JAK2: variants seen among roughly 807,000 people sequenced by gnomAD.
The protein encoded by JAK2 is Janus kinase 2, also known as tyrosine-protein kinase JAK2.
In JAK2, 86 loss-of-function variants were observed where a neutral mutation model predicts 139.3. That is an observed-to-expected ratio of 0.62 (90% confidence interval 0.52 to 0.74). The LOEUF is 0.74. JAK2 is among the 30% of genes least tolerant of loss of function. The pLI is 0.00. For missense variants in JAK2, 1,421 were observed against 1,360.3 expected, an observed-to-expected ratio of 1.04 and a Z score of -0.70; for synonymous variants, 490 against 437.7, an observed-to-expected ratio of 1.12 and a Z score of -1.49.
At chr9:5,006,498 G>GT (rs1821311000) in intron 2 of JAK2, among the ~76,000 whole-genome samples, 1 of 152,148 alleles carries the variant, frequency 6.6e-6, no homozygotes, top group African/African-American at 2.4e-5. Flanking sequence ...AGACTGGGTA[G>GT]TTTTTAAAGA....
At chr9:5,029,696 ACTTTAGCTT>A in intron 3 of JAK2, 78 bp from the exon 4 acceptor site, 2 of 1,222,816 alleles carry the variant, frequency 1.6e-6, no homozygotes, top group Non-Finnish European at 2.3e-6. Flanking sequence ...AAGAGTTGTT[ACTTTAGCTT>A]CATTTCAAAT....
chr9:5,019,946 G>A (rs1239956197), intron 2 of JAK2, among the ~76,000 whole-genome samples: 1 of 152,204 alleles, frequency 6.6e-6, no homozygotes, highest in Non-Finnish European at 1.5e-5. Context: ...AACCATGCCT[G>A]TACATTAGCC....
chr9:5,085,736 T>G, intron 19 of JAK2: 1 of 753,486 alleles, frequency 1.3e-6, no homozygotes, highest in Non-Finnish European at 2.5e-6. Flanking sequence ...CAATTAAGGC[T>G]GTGGCGCGCT....
chr9:5,046,105 G>C (rs1816990070), intron 5 of JAK2, among the ~76,000 whole-genome samples: 1 of 152,102 alleles, frequency 6.6e-6, no homozygotes, highest in Non-Finnish European at 1.5e-5. Context: ...TTGTGATTTT[G>C]ATGCATACTT....
intron 22 of JAK2, 96 bp from the exon 23 acceptor site, chr9:5,122,908 A>G: frequency 1.3e-6 from 1 of 754,908 alleles, no homozygotes; most frequent in Non-Finnish European, 2.1e-6. Context: ...TTTTCTCTAC[A>G]TGTTTTTTTT....
At chr9:5,028,833 GC>G (rs1190972347) in intron 3 of JAK2, among the ~76,000 whole-genome samples, 1 of 152,166 alleles carries the variant, frequency 6.6e-6, no homozygotes, top group Non-Finnish European at 1.5e-5. Flanking sequence ...GACAATTAGG[GC>G]CTTGCTCTGG....
rs58424625 is a variant in JAK2, at chr9:5,062,500, TAAAAAAAAA to T, written c.1057-2360_1057-2352del. 4.8e-4 allele frequency among the ~76,000 whole-genome samples: 28 copies of T among 58,248 alleles called. 1 individual carries two copies. The highest frequency in any genetic ancestry group is 2.7e-3 in the African/African-American group (26 of 9,592). The allele number at this position is 58,248 out of a possible 152,430, so 38.2% of individuals were successfully genotyped here. ...AAGTTTGTCAGAAACCTTCCATTTG[TAAAAAAAAA>T]AAAAAAAAAAAAAAAAAAAAAAGGT... On this transcript the variant is annotated intron_variant, in intron 8 of 24. Transcript: ENST00000381652.
At chr9:5,086,342 C>T (rs909443590) in intron 19 of JAK2, among the ~76,000 whole-genome samples, 1 of 152,116 alleles carries the variant, frequency 6.6e-6, no homozygotes. Flanking sequence ...CGCTTCACTC[C>T]TAGCGGTTTT....
chr9:5,084,385 A>C (rs988416415), intron 19 of JAK2, among the ~76,000 whole-genome samples: 71 of 152,172 alleles, frequency 4.7e-4, no homozygotes, highest in African/African-American at 1.7e-3. Flanking sequence ...TCCTACAAAA[A>C]TGATTGCATG....
intron 4 of JAK2, chr9:5,041,604 G>A (rs1242043203): frequency 4.0e-5 from 20 of 496,538 alleles, no homozygotes; most frequent in African/African-American, 1.0e-4. Flanking sequence ...TGAGAAGCCC[G>A]ACTGTGACTA....
chr9:4,987,467 G>A (rs998459548), intron 2 of JAK2, among the ~76,000 whole-genome samples: 2 of 152,128 alleles, frequency 1.3e-5, no homozygotes, highest in Non-Finnish European at 2.9e-5. Flanking sequence ...TGGTCATGGT[G>A]GCTCACGCCT....
intron 4 of JAK2, among the ~76,000 whole-genome samples, chr9:5,035,681 C>G (rs1434789127): frequency 6.6e-6 from 1 of 152,184 alleles, no homozygotes; most frequent in Non-Finnish European, 1.5e-5. Flanking sequence ...AATTCAACAA[C>G]CCTTCATGCT....
At chr9:5,081,943 TACA>T (rs1385366738) in intron 19 of JAK2, 82 bp downstream of exon 19, 1 of 1,178,446 alleles carries the variant, frequency 8.5e-7, no homozygotes, top group Non-Finnish European at 1.2e-6. Context: ...GTTCACTTTC[TACA>T]ACATTTTAAG....
intron 8 of JAK2, among the ~76,000 whole-genome samples, chr9:5,059,991 T>C (rs1723005436): frequency 6.6e-6 from 1 of 152,170 alleles, no homozygotes; most frequent in South Asian, 2.1e-4. Context: ...ATATTTCTAG[T>C]TCAGTTCTGG....
At chr9:5,097,643 G>C (rs544289006) in intron 22 of JAK2, 3 of 152,152 alleles carry the variant, frequency 2.0e-5, no homozygotes, top group Non-Finnish European at 4.4e-5. Flanking sequence ...GCTACACTGC[G>C]TGGTGGTAAC....
In JAK2 at chr9:5,072,536, C is replaced by T. The variant is rs143997706; in HGVS notation, c.1686C>T (p.Gly562=). 546 of 1,605,092 alleles carry T rather than the reference C, an allele frequency of 3.4e-4. 2 individuals are homozygous for T. Among genetic ancestry groups the T allele is most frequent in the Non-Finnish European group, 3.1e-4 (367 of 1,174,456 alleles). ...GCACTTTTACAAAGATTTTTAAAGGCGTACGAAGAGAAGTAGGAGACTACG... is the reference window on the plus strand; with the variant it reads ...GCACTTTTACAAAGATTTTTAAAGGTGTACGAAGAGAAGTAGGAGACTACG... ...GQGTFTKIFK[G]VRREVGDYGQ... is the part of the protein sequence containing the mutation. Residue 562 remains glycine, a synonymous_variant, in exon 13 of 25, where the codon GGC becomes GGT. Coordinates refer to ENST00000381652, the MANE Select transcript of JAK2 (RefSeq NM_004972.4).
intron 4 of JAK2, chr9:5,041,921 C>T (rs1437553437): frequency 1.8e-5 from 7 of 392,816 alleles, no homozygotes; most frequent in African/African-American, 8.5e-5. Flanking sequence ...GGCGATGAAA[C>T]GAAATGCTGC....
At chr9:5,079,611 G>GT (rs1200648833) in intron 16 of JAK2, among the ~76,000 whole-genome samples, 1 of 151,694 alleles carries the variant, frequency 6.6e-6, no homozygotes, top group African/African-American at 2.4e-5. Flanking sequence ...ATACCAAAAA[G>GT]TATCATGGGG....
intron 6 of JAK2, among the ~76,000 whole-genome samples, chr9:5,053,761 G>GTCCTTT (rs1459630407): frequency 6.6e-6 from 1 of 151,984 alleles, no homozygotes; most frequent in Admixed American, 6.6e-5. Flanking sequence ...AATTTAGCAA[G>GTCCTTT]TCCTTTGTGC....
Sources: allele counts gnomAD v4.1 joint callset (sites outside exome capture counted in the v4.1 genomes callset), GRCh38; gene constraint gnomAD v4.1.1; transcripts MANE v1.5; gene names NCBI Gene and HGNC (gene_info 2026-07-23, HGNC 2026-07-21).